The following KCNQ3 variants were observed in gnomAD, a reference collection of about 807,000 sequenced individuals.
KCNQ3 encodes potassium voltage-gated channel subfamily Q member 3.
Under a neutral mutation model 92.5 loss-of-function variants are expected in KCNQ3, and 30 were observed. That is an observed-to-expected ratio of 0.32 (90% confidence interval 0.24 to 0.44). KCNQ3 has a LOEUF of 0.44. KCNQ3 is among the 20% of genes least tolerant of loss of function. KCNQ3 has a pLI of 1.00. For synonymous variants in KCNQ3, 450 were observed against 468.8 expected (o/e 0.96, Z 0.52); for missense variants, 913 against 1,140.3 (o/e 0.80, Z 2.87).
At chr8:132,279,496 C>T (rs755780320) in intron 1 of KCNQ3, among the ~76,000 whole-genome samples, 2 of 152,156 alleles carry the variant, frequency 1.3e-5, no homozygotes, top group Admixed American at 6.5e-5. Context: ...AATCTATGGA[C>T]GTGAAGACAA....
In KCNQ3 at chr8:132,341,150, G is replaced by T. The variant is rs12056567; in HGVS notation, c.386+138997C>A. Among the ~76,000 whole-genome samples the T allele has an allele frequency of 9.1e-3, 1,380 of 152,318 alleles. 7 individuals carry two copies. The highest frequency in any genetic ancestry group is 0.015 in the Non-Finnish European group (1,019 of 68,034). On this transcript the variant is annotated intron_variant, in intron 1 of 14. Transcript: ENST00000388996. The stretch of plus-strand genomic sequence containing the variant: ...TCTAACAGGAGCAAAGAGAGGAACA[G>T]AAAACTATGCCAGCCAGAAGCCAAA...
intron 1 of KCNQ3, among the ~76,000 whole-genome samples, chr8:132,473,975 G>A (rs72723117): frequency 0.071 from 10,756 of 152,246 alleles, 393 homozygotes; most frequent in Middle Eastern, 0.092. Flanking sequence ...TCAGAATGCA[G>A]TCAGTGGGTA....
At chr8:132,152,122 C>T (rs898735972) in intron 9 of KCNQ3, among the ~76,000 whole-genome samples, 1 of 152,154 alleles carries the variant, frequency 6.6e-6, no homozygotes, top group African/African-American at 2.4e-5. Context: ...AGCTACAGAA[C>T]TTTGGCAGAC....
chr8:132,304,710 T>A (rs970147088), intron 1 of KCNQ3, among the ~76,000 whole-genome samples: 6 of 152,186 alleles, frequency 3.9e-5, no homozygotes, highest in Non-Finnish European at 7.3e-5. Context: ...GAAGTTTCCA[T>A]TCGACAGTAC....
At chr8:132,467,542 T>C (rs1004851452) in intron 1 of KCNQ3, among the ~76,000 whole-genome samples, 1 of 152,134 alleles carries the variant, frequency 6.6e-6, no homozygotes, top group African/African-American at 2.4e-5. Flanking sequence ...ATCTTAGCTC[T>C]GGGATTTCAG....
chr8:132,143,496 G>A (rs1825360855), intron 9 of KCNQ3, among the ~76,000 whole-genome samples: 4 of 152,158 alleles, frequency 2.6e-5, no homozygotes, highest in Admixed American at 2.6e-4. Context: ...GTTCAGTACG[G>A]CAACTAAGAT....
intron 1 of KCNQ3, among the ~76,000 whole-genome samples, chr8:132,327,392 G>A (rs561338895): frequency 1.1e-4 from 16 of 152,248 alleles, no homozygotes; most frequent in African/African-American, 3.1e-4. Context: ...TGAAGAAACC[G>A]AGGCTCAGAG....
intron 1 of KCNQ3, among the ~76,000 whole-genome samples, chr8:132,301,951 A>G (rs990111): frequency 0.56 from 85,472 of 151,716 alleles, 24,242 homozygotes; most frequent in East Asian, 0.73. Flanking sequence ...TACTACAGAC[A>G]AAGTGGAAAC....
At chr8:132,391,415 C>T (rs574103771) in intron 1 of KCNQ3, among the ~76,000 whole-genome samples, 2 of 152,154 alleles carry the variant, frequency 1.3e-5, no homozygotes, top group Middle Eastern at 3.4e-3. Context: ...GAGGCGACGC[C>T]GAGAAGAGAT....
intron 1 of KCNQ3, among the ~76,000 whole-genome samples, chr8:132,392,054 T>C (rs144669645): frequency 1.3e-5 from 2 of 152,292 alleles, no homozygotes; most frequent in African/African-American, 4.8e-5. Context: ...ATGGTGGACT[T>C]TAATTGCCCA....
intron 8 of KCNQ3, among the ~76,000 whole-genome samples, chr8:132,169,571 T>A (rs1826250885): frequency 6.6e-6 from 1 of 152,136 alleles, no homozygotes; most frequent in African/African-American, 2.4e-5. Flanking sequence ...GAGTCCAGAG[T>A]AGTCTGTGGG....
intron 1 of KCNQ3, among the ~76,000 whole-genome samples, chr8:132,344,503 A>T (rs1438161575): frequency 6.6e-6 from 1 of 152,014 alleles, no homozygotes; most frequent in East Asian, 1.9e-4. Context: ...ATTAACTCTG[A>T]CTCCTCAAGA....
At chr8:132,386,820 T>C (rs1051638797) in intron 1 of KCNQ3, among the ~76,000 whole-genome samples, 3 of 152,200 alleles carry the variant, frequency 2.0e-5, no homozygotes, top group Admixed American at 2.0e-4. Flanking sequence ...GAATGGTTTA[T>C]GAATCATTCC....
chr8:132,150,453 T>C (rs1825600917), intron 9 of KCNQ3, among the ~76,000 whole-genome samples: 1 of 152,156 alleles, frequency 6.6e-6, no homozygotes, highest in Admixed American at 6.5e-5. Context: ...TTAGTAAAGT[T>C]TGAAAGCCAG....
intron 1 of KCNQ3, among the ~76,000 whole-genome samples, chr8:132,240,747 GGCTCTC>G (rs1814967726): frequency 6.6e-6 from 1 of 152,176 alleles, no homozygotes; most frequent in Admixed American, 6.5e-5. Flanking sequence ...GCACCTAGTT[GGCTCTC>G]AGTAAATATT....
At chr8:132,171,793 G>C (rs2130116418) in intron 7 of KCNQ3, among the ~76,000 whole-genome samples, 1 of 152,216 alleles carries the variant, frequency 6.6e-6, no homozygotes, top group African/African-American at 2.4e-5. Context: ...CTGAGGGGAA[G>C]TAGAAGGAGA....
intron 1 of KCNQ3, among the ~76,000 whole-genome samples, chr8:132,449,984 C>T (rs1821783238): frequency 6.6e-6 from 1 of 152,162 alleles, no homozygotes; most frequent in South Asian, 2.1e-4. Flanking sequence ...ACTGGGTTCA[C>T]AGTCTTGCTG....
chr8:132,441,132 T>G (rs1821524835), intron 1 of KCNQ3, among the ~76,000 whole-genome samples: 1 of 152,170 alleles, frequency 6.6e-6, no homozygotes, highest in African/African-American at 2.4e-5. Context: ...TGGGGCCCAG[T>G]ACACTCTTTC....
chr8:132,480,545 C>G lies in KCNQ3; in HGVS notation c.-13G>C, dbSNP rs796052671. 5 of 1,255,502 alleles carry G rather than the reference C, an allele frequency of 4.0e-6. No individual in the cohort carries two copies. Among genetic ancestry groups the G allele is most frequent in the Admixed American group, 4.9e-5 (2 of 40,914 alleles). The allele number at this position is 1,255,502 out of a possible 1,614,324, so 77.8% of individuals were successfully genotyped here. Reference sequence around the variant, plus strand: ...CCTTGAGCCCCATCTGCCTCGCCCCCGCCGGCCGCTTCGCCTTCTCCGCTG... The same window carrying G: ...CCTTGAGCCCCATCTGCCTCGCCCCGGCCGGCCGCTTCGCCTTCTCCGCTG... On this transcript the variant is annotated 5_prime_UTR_variant, in exon 1 of 15. Transcript: ENST00000388996.
Sources: gnomAD v4.1 joint callset for allele counts (sites outside exome capture counted in the v4.1 genomes callset) on GRCh38, gnomAD v4.1.1 for gene constraint, MANE v1.5 for transcripts, NCBI Gene and HGNC (gene_info 2026-07-23, HGNC 2026-07-21) for gene names.